Variants in ALPK3 observed in about 807,000 individuals in gnomAD.
ALPK3 encodes the protein alpha kinase 3, also known as alpha-protein kinase 3.
ALPK3 carries 102 observed loss-of-function variants against 140.0 expected under a neutral mutation model. The ratio of observed to expected loss-of-function variants is 0.73; its 90% CI spans 0.62 to 0.86. ALPK3 has a LOEUF of 0.86. ALPK3 is among the 40% of genes least tolerant of loss of function. The pLI, the probability that ALPK3 is intolerant of heterozygous loss-of-function variation, is 0.00. For missense variants in ALPK3, 2,254 were observed against 2,208.2 expected (o/e 1.02, Z -0.42); for synonymous variants, 938 against 898.5 (o/e 1.04, Z -0.79).
At chr15:84,852,284 C>G (rs969356616) in intron 5 of ALPK3, among the ~76,000 whole-genome samples, 4 of 152,136 alleles carry the variant, frequency 2.6e-5, no homozygotes, top group Non-Finnish European at 5.9e-5. Context: ...GTAACCAAGA[C>G]AGCTACTTAA....
chr15:84,872,727 G>A lies in ALPK3; in HGVS notation c.*4271G>A, dbSNP rs1964088430. The A allele has an allele frequency of 6.6e-6, 1 of 152,204 alleles. No individual in the cohort carries two copies. Among genetic ancestry groups the A allele is most frequent in the Admixed American group, 6.5e-5 (1 of 15,276 alleles). The allele number at this position is 152,204 out of a possible 1,614,324, so 9.4% of individuals were successfully genotyped here. A position where few individuals can be genotyped will look rare whatever the true frequency, so the allele number is the denominator to read the frequency against. ...TTCACATATGTTTGACCAAGGCACT[G>A]GGCAGCTGCCAATTTCCCGTCCCTT... On this transcript the variant is annotated 3_prime_UTR_variant, in exon 14 of 14. Transcript: ENST00000258888.
chr15:84,844,294 C>A (rs1963703543), intron 5 of ALPK3, among the ~76,000 whole-genome samples: 1 of 151,828 alleles, frequency 6.6e-6, no homozygotes, highest in South Asian at 2.1e-4. Context: ...GTAATTTCAA[C>A]TACTTGGGAG....
intron 5 of ALPK3, among the ~76,000 whole-genome samples, chr15:84,848,989 A>C (rs1031469304): frequency 6.6e-6 from 1 of 152,126 alleles, no homozygotes; most frequent in Non-Finnish European, 1.5e-5. Flanking sequence ...TAAAAATACA[A>C]AAATTAGCCA....
At chr15:84,825,038 G>A (rs1030907226) in intron 2 of ALPK3, among the ~76,000 whole-genome samples, 2 of 152,158 alleles carry the variant, frequency 1.3e-5, no homozygotes, top group African/African-American at 2.4e-5. Context: ...CTTTCAGCTA[G>A]CCACCCTTTC....
rs749398140 is a variant in ALPK3, at chr15:84,868,100, T to C, written c.4773-11T>C. 1 of 1,603,274 alleles carries C rather than the reference T, an allele frequency of 6.2e-7. No homozygotes were observed. The highest frequency in any genetic ancestry group is 2.2e-5 in the East Asian group (1 of 44,634). ...TGGGACCCCCACTCAGCTCTTCCTG[T>C]CTGGCTGCAGATACCAGGGCCTCAA... On this transcript the variant is annotated splice_polypyrimidine_tract_variant and intron_variant, in intron 13 of 13. Transcript: ENST00000258888.
intron 5 of ALPK3, among the ~76,000 whole-genome samples, 156 bp downstream of exon 5, chr15:84,841,088 C>G (rs548732300): frequency 2.0e-5 from 3 of 152,350 alleles, no homozygotes. Context: ...CAGGCATGCC[C>G]TTTGCCCCAG....
At chr15:84,830,695 T>C (rs1252908213) in intron 3 of ALPK3, among the ~76,000 whole-genome samples, 4 of 152,178 alleles carry the variant, frequency 2.6e-5, no homozygotes, top group Non-Finnish European at 5.9e-5. Context: ...GTTTGTTTGT[T>C]GGTTTGGTTG....
Position 84,840,111 on chromosome 15 carries a change from G to C in ALPK3, c.832G>C (p.Gly278Arg), listed in dbSNP as rs573106150. The change falls in exon 5 of 14, where the codon GGG becomes CGG. Residue 278 changes from glycine (G) to arginine (R), a missense_variant. Gly to Arg is a moderately radical substitution (Grantham distance 125, BLOSUM62 -2). This residue lies in a region of ALPK3 where 2,088 missense variants were observed against 2,022.9 expected (regional missense o/e 1.03). Transcript: ENST00000258888. ...SFASGEVTTN[G>R]EAAPENGEDG... ...TGCTTCTGGAGAAGTGACCACCAAC[G>C]GGGAGGCTGCCCCCGAGAATGGAGA... 6.2e-7 allele frequency: 1 copy of C among 1,614,138 alleles called. No homozygotes were observed. The highest frequency in any genetic ancestry group is 2.2e-5 in the East Asian group (1 of 44,860).
Position 84,864,673 on chromosome 15 carries a change from G to C in ALPK3, c.4723+8G>C, listed in dbSNP as rs201433304. On this transcript the variant is annotated splice_region_variant and intron_variant, in intron 12 of 13. Transcript: ENST00000258888. ...TTGTCACAGACTTGGCAGGTACGAG[G>C]GTGTGAGGGTGCACGGGTACGCATG... 4.7e-5 allele frequency: 75 copies of C among 1,612,738 alleles called. 1 individual carries two copies. In the East Asian group the frequency reaches 1.6e-3, roughly 34 times the overall value.
chr15:84,840,683 C>T lies in ALPK3; in HGVS notation c.1404C>T (p.His468=), dbSNP rs1963652283. 2 of 1,604,500 alleles carry T rather than the reference C, an allele frequency of 1.2e-6. No homozygotes were observed. The highest frequency in any genetic ancestry group is 1.7e-6 in the Non-Finnish European group (2 of 1,175,438). The part of the protein sequence containing the change: ...GVPGAPGQPT[H]SLTPQPTRPF... ...CTGGCGCTCCTGGCCAGCCCACACA[C>T]TCCTTGACCCCCCAGCCGACTAGGC... The change falls in exon 5 of 14, where the codon CAC becomes CAT. Residue 468 remains histidine (H), a synonymous_variant. Coordinates refer to ENST00000258888, the MANE Select transcript of ALPK3 (RefSeq NM_020778.5).
intron 10 of ALPK3, 83 bp downstream of exon 10, chr15:84,862,998 A>G: frequency 6.5e-7 from 1 of 1,534,444 alleles, no homozygotes; most frequent in Non-Finnish European, 8.8e-7. Context: ...TAGGATGCCC[A>G]GTATCGAGGC....
At chr15:84,852,596 C>T (rs1256099282) in intron 5 of ALPK3, 2 of 296,636 alleles carry the variant, frequency 6.7e-6, no homozygotes, top group African/African-American at 2.2e-5. Context: ...CTTGGTTTTG[C>T]AGCCTCTTTG....
intron 3 of ALPK3, among the ~76,000 whole-genome samples, chr15:84,828,875 A>G (rs1371474381): frequency 6.6e-6 from 1 of 152,168 alleles, no homozygotes; most frequent in East Asian, 1.9e-4. Context: ...CCGGCATCTG[A>G]TGCTGCTTCC....
intron 3 of ALPK3, among the ~76,000 whole-genome samples, chr15:84,837,317 G>A (rs1027947683): frequency 1.3e-5 from 2 of 152,242 alleles, no homozygotes; most frequent in African/African-American, 4.8e-5. Context: ...GGAGCGAGCA[G>A]GAATAATTGC....
Position 84,859,869 on chromosome 15 carries a change from C to T in ALPK3, c.4059C>T (p.Gly1353=), listed in dbSNP as rs1008051727. The T allele has an allele frequency of 6.2e-7, 1 of 1,614,082 alleles. No homozygotes were observed. The highest frequency in any genetic ancestry group is 8.5e-7 in the Non-Finnish European group (1 of 1,180,030). ...GGTGCACCATCCACAATGAGCACGG[C>T]TCGGCCTCCACCGACTTCTGCCTCA... is the stretch of plus-strand genomic sequence containing the variant. The part of the protein sequence containing the change: ...VYRCTIHNEH[G]SASTDFCLSP... The change falls in exon 8 of 14, where the codon GGC becomes GGT. Residue 1353 remains glycine, a synonymous_variant. Coordinates refer to ENST00000258888, the MANE Select transcript of ALPK3 (RefSeq NM_020778.5).
At chr15:84,819,420 G>A (rs1963398865) in intron 1 of ALPK3, among the ~76,000 whole-genome samples, 1 of 152,230 alleles carries the variant, frequency 6.6e-6, no homozygotes, top group South Asian at 2.1e-4. Context: ...GAGGTTCTGA[G>A]AGACAAGGAC....
chr15:84,838,913 T>C (rs1330726090), intron 3 of ALPK3, 67 bp from the exon 4 acceptor site: 4 of 1,420,550 alleles, frequency 2.8e-6, no homozygotes, highest in South Asian at 2.3e-5. Flanking sequence ...TGAGCCACCG[T>C]GCCCGGCCTC....
rs751383232 is a variant in ALPK3 at position 84,856,702 on chromosome 15, G to A, written c.1964G>A (p.Arg655Lys). 1 of 1,614,136 alleles carries A rather than the reference G, an allele frequency of 6.2e-7. No individual in the cohort carries two copies. Among genetic ancestry groups the A allele is most frequent in the Non-Finnish European group, 8.5e-7 (1 of 1,180,034 alleles). Residue 655 changes from arginine to lysine, a missense_variant, in exon 6 of 14, where the codon AGG becomes AAG. By Grantham distance (26) the Arg-to-Lys change is conservative (BLOSUM62 2). Transcript: ENST00000258888. Reference protein sequence around the residue: ...TQESKRPQSDRSAQKGMMTQG... With the variant: ...TQESKRPQSDKSAQKGMMTQG... ...GAAAGCAAGAGGCCACAGTCAGACA[G>A]GAGTGCACAGAAGGGCATGATGACA...
At position 84,868,155 on chromosome 15, in the gene ALPK3, G is replaced by C; in HGVS notation, c.4817G>C (p.Arg1606Pro). Residue 1606 changes from arginine to proline, a missense_variant, in exon 14 of 14, where the codon CGG (arginine) becomes CCG (proline). Arg to Pro is a moderately radical substitution (Grantham distance 103). Transcript: ENST00000258888. Reference sequence around the variant, plus strand: ...AGCTGCTTCCCTGCCCTGCTGGACCGGTTCGCCTCCTCCCACCAGTGCAAT... The same window carrying C: ...AGCTGCTTCCCTGCCCTGCTGGACCCGTTCGCCTCCTCCCACCAGTGCAAT... ...KESCFPALLD[R>P]FASSHQCNAY... The C allele has an allele frequency of 6.2e-7, 1 of 1,613,882 alleles. No individual in the cohort carries two copies. The highest frequency in any genetic ancestry group is 8.5e-7 in the Non-Finnish European group (1 of 1,179,864).
Sources: gnomAD v4.1 joint callset for allele counts (sites outside exome capture counted in the v4.1 genomes callset) on GRCh38, gnomAD v4.1.1 for gene constraint, gnomAD v4.1.1 regional missense constraint, MANE v1.5 for transcripts, NCBI Gene and HGNC (gene_info 2026-07-23, HGNC 2026-07-21) for gene names.